The following FMN1 variants were observed in gnomAD, a reference collection of about 807,000 sequenced individuals.
FMN1 encodes the protein formin-1.
In FMN1, 110 loss-of-function variants were observed where a neutral mutation model predicts 132.4. The observed-to-expected ratio is 0.83, with a 90% CI of 0.71 to 0.97. The LOEUF is 0.97. Ranked by LOEUF, FMN1 falls within the 50% of genes least tolerant of loss-of-function variation. The pLI is 0.00. For missense variants in FMN1, 1,792 were observed against 1,705.3 expected, an observed-to-expected ratio of 1.05 and a Z score of -0.90; for synonymous variants, 722 against 651.7, an observed-to-expected ratio of 1.11 and a Z score of -1.64.
chr15:32,872,165 C>CAA (rs754317110), intron 16 of FMN1, among the ~76,000 whole-genome samples: 2 of 152,058 alleles, frequency 1.3e-5, no homozygotes, highest in Admixed American at 1.3e-4. Flanking sequence ...ATCAAACACT[C>CAA]AGAGTTTTGT....
intron 18 of FMN1, 112 bp from the exon 19 acceptor site, chr15:32,799,065 CACAGAAGCTGGGGGCT>C (rs2057389827): frequency 2.5e-6 from 2 of 797,610 alleles, no homozygotes; most frequent in African/African-American, 3.5e-5. Flanking sequence ...TATTTTGTAA[CACAGAAGCTGGGGGCT>C]CATAGTTACT....
intron 17 of FMN1, among the ~76,000 whole-genome samples, chr15:32,842,320 C>A (rs1395523988): frequency 6.6e-6 from 1 of 152,154 alleles, no homozygotes; most frequent in East Asian, 1.9e-4. Context: ...CCACCCGAGC[C>A]GAGGCTCTGC....
intron 17 of FMN1, among the ~76,000 whole-genome samples, chr15:32,847,861 A>C (rs879574321): frequency 7.9e-5 from 12 of 152,214 alleles, no homozygotes; most frequent in Non-Finnish European, 1.5e-4. Flanking sequence ...TCTCAAAAAA[A>C]CAAACAAACA....
chr15:32,975,447 G>A (rs1238894230), intron 7 of FMN1, among the ~76,000 whole-genome samples: 1 of 152,134 alleles, frequency 6.6e-6, no homozygotes, highest in Non-Finnish European at 1.5e-5. Context: ...AATTTAAGGA[G>A]AGATAAAGAT....
At chr15:32,964,046 C>CACAT (rs372776898) in intron 9 of FMN1, 61 bp downstream of exon 9, 1 of 1,239,692 alleles carries the variant, frequency 8.1e-7, no homozygotes, top group Non-Finnish European at 1.2e-6. Context: ...CACACACACA[C>CACAT]ACATATATAC....
intron 17 of FMN1, among the ~76,000 whole-genome samples, chr15:32,847,751 A>C (rs911565489): frequency 2.0e-5 from 3 of 152,134 alleles, no homozygotes; most frequent in Admixed American, 6.5e-5. Context: ...GCTACTCGGG[A>C]GGCTAAGGCA....
At chr15:32,874,219 C>T (rs992037313) in intron 16 of FMN1, among the ~76,000 whole-genome samples, 1 of 151,656 alleles carries the variant, frequency 6.6e-6, no homozygotes, top group Non-Finnish European at 1.5e-5. Flanking sequence ...GACGGGATTT[C>T]GCTATGTTGG....
At chr15:33,133,747 A>C (rs560966884) in intron 4 of FMN1, among the ~76,000 whole-genome samples, 4 of 152,204 alleles carry the variant, frequency 2.6e-5, no homozygotes, top group Non-Finnish European at 5.9e-5. Context: ...AATAAATGTA[A>C]CTAAGGGCAA....
chr15:32,945,879 C>G (rs1245542164), intron 9 of FMN1, among the ~76,000 whole-genome samples: 1 of 152,130 alleles, frequency 6.6e-6, no homozygotes, highest in African/African-American at 2.4e-5. Flanking sequence ...ACTTAGGGCA[C>G]CTCACATTTT....
In FMN1 at chr15:33,154,587, T is replaced by A; in HGVS notation, c.328A>T (p.Ile110Phe). ...TTCCCCTCCTGGTTCCCCATCGTGA[T>A]CCCCAGGATGTGGTCTGAGCTCAGG... ...NLLSSDHILG[I>F]TMGNQEGKLQ... Residue 110 changes from isoleucine (I) to phenylalanine (F), a missense_variant, in exon 4 of 21, where the codon ATC becomes TTC. By Grantham distance (21) the Ile-to-Phe change is conservative. Coordinates refer to ENST00000616417, the MANE Select transcript of FMN1 (RefSeq NM_001277313.2). 1 of 1,536,094 alleles carries A rather than the reference T, an allele frequency of 6.5e-7. No homozygotes were observed. Among genetic ancestry groups the A allele is most frequent in the Non-Finnish European group, 8.7e-7 (1 of 1,146,888 alleles).
At chr15:32,908,152 A>G (rs887622473) in intron 12 of FMN1, 2 of 186,232 alleles carry the variant, frequency 1.1e-5, no homozygotes, top group Admixed American at 5.6e-5. Flanking sequence ...TAACTTCATC[A>G]AGAGAACCTT....
At chr15:32,982,960 TAATA>T (rs2032795784) in intron 7 of FMN1, among the ~76,000 whole-genome samples, 1 of 152,166 alleles carries the variant, frequency 6.6e-6, no homozygotes, top group African/African-American at 2.4e-5. Context: ...CAATTCTTCA[TAATA>T]AATCTCTTCA....
At chr15:32,988,729 C>T (rs2140837261) in intron 7 of FMN1, among the ~76,000 whole-genome samples, 1 of 152,036 alleles carries the variant, frequency 6.6e-6, no homozygotes, top group South Asian at 2.1e-4. Context: ...TCCTTGGCTA[C>T]AATAAACCCC....
At chr15:32,797,253 TTTG>T (rs2057320299) in intron 19 of FMN1, among the ~76,000 whole-genome samples, 2 of 152,214 alleles carry the variant, frequency 1.3e-5, no homozygotes, top group African/African-American at 4.8e-5. Context: ...CTGTTGGTCT[TTTG>T]TTTGTTTTAG....
In FMN1 at chr15:33,153,671, C is replaced by G; in HGVS notation, c.1244G>C (p.Gly415Ala). Reference protein sequence around the residue: ...SISSVSASAEGAVNKVPLKVI... With the variant: ...SISSVSASAEAAVNKVPLKVI... ...CTTCAGGGGGACCTTGTTCACGGCC[C>G]CCTCGGCACTGGCCGACACACTAGA... Residue 415 changes from glycine (G) to alanine (A), a missense_variant, in exon 4 of 21, where the codon GGG (glycine) becomes GCG (alanine). Physicochemically the swap from Gly to Ala is moderately conservative, Grantham distance 60. Coordinates refer to ENST00000616417, the MANE Select transcript of FMN1 (RefSeq NM_001277313.2). 6.5e-7 allele frequency: 1 copy of G among 1,536,400 alleles called. No individual in the cohort carries two copies. Among genetic ancestry groups the G allele is most frequent in the Non-Finnish European group, 8.7e-7 (1 of 1,146,980 alleles).
chr15:32,879,107 A>AT (rs1265594824), intron 16 of FMN1, among the ~76,000 whole-genome samples: 14 of 152,220 alleles, frequency 9.2e-5, no homozygotes, highest in Non-Finnish European at 1.8e-4. Context: ...TGCTCAATTA[A>AT]TTGAATGCTT....
At chr15:32,866,746 T>A (rs141416188) in intron 16 of FMN1, among the ~76,000 whole-genome samples, 21 of 152,346 alleles carry the variant, frequency 1.4e-4, no homozygotes, top group African/African-American at 5.0e-4. Flanking sequence ...AAGTCACTAA[T>A]TAACCCATCC....
At chr15:33,061,727 T>C (rs796457217) in intron 6 of FMN1, among the ~76,000 whole-genome samples, 9 of 152,116 alleles carry the variant, frequency 5.9e-5, no homozygotes, top group African/African-American at 2.2e-4. Flanking sequence ...TACAAACATA[T>C]CAAAGACAAT....
intron 9 of FMN1, among the ~76,000 whole-genome samples, chr15:32,930,793 C>T (rs575614317): frequency 6.6e-6 from 1 of 151,916 alleles, no homozygotes; most frequent in African/African-American, 2.4e-5. Flanking sequence ...GAGGACTTTT[C>T]CCTATTTTTT....
Sources: allele counts gnomAD v4.1 joint callset (sites outside exome capture counted in the v4.1 genomes callset), GRCh38; gene constraint gnomAD v4.1.1; transcripts MANE v1.5; gene names NCBI Gene and HGNC (gene_info 2026-07-23, HGNC 2026-07-21).